DOCK1: variants seen among roughly 807,000 people sequenced by gnomAD.
DOCK1 encodes the protein dedicator of cytokinesis 1.
In DOCK1, 138 loss-of-function variants were observed where a neutral mutation model predicts 262.7. That is an observed-to-expected ratio of 0.53 (90% confidence interval 0.46 to 0.61). The LOEUF is 0.61. Among genes scored for constraint, DOCK1 ranks in the 20% least tolerant of loss-of-function variants. The pLI, the probability that DOCK1 is intolerant of heterozygous loss-of-function variation, is 0.00. For missense variants in DOCK1, 1,908 were observed against 2,370.7 expected (o/e 0.80, Z 4.05); for synonymous variants, 866 against 867.4 (o/e 1.00, Z 0.03).
chr10:127,081,630 T>C (rs565455618), intron 23 of DOCK1, among the ~76,000 whole-genome samples: 8 of 152,258 alleles, frequency 5.3e-5, no homozygotes, highest in African/African-American at 1.4e-4. Context: ...TCCCCAGTAA[T>C]GGTGGCTTCA....
In DOCK1 at chr10:127,040,264, ATAGT is replaced by A. The variant is rs557570789; in HGVS notation, c.2011-2357_2011-2354del. On this transcript the variant is annotated intron_variant, in intron 19 of 51. Coordinates refer to ENST00000623213, the MANE Select transcript of DOCK1 (RefSeq NM_001290223.2). ...AAGTAACAAAGTGGTACAGATCCAC[ATAGT>A]TAGGAGTTGATTAATCCCTTGACAT... Among the ~76,000 whole-genome samples, 6 of 152,358 alleles carry A rather than the reference ATAGT, an allele frequency of 3.9e-5. No individual in the cohort carries two copies. In the South Asian group the frequency reaches 1.0e-3, roughly 26 times the overall value.
At chr10:127,406,053 G>A (rs1219285401) in intron 40 of DOCK1, among the ~76,000 whole-genome samples, 1 of 152,160 alleles carries the variant, frequency 6.6e-6, no homozygotes, top group Non-Finnish European at 1.5e-5. Flanking sequence ...TTTAATTCGA[G>A]TGTGTGTGTG....
At chr10:126,991,275 T>C (rs1035692797) in intron 6 of DOCK1, among the ~76,000 whole-genome samples, 1 of 152,182 alleles carries the variant, frequency 6.6e-6, no homozygotes, top group African/African-American at 2.4e-5. Context: ...AACAAGCTGC[T>C]CTGATCCTAA....
intron 29 of DOCK1, among the ~76,000 whole-genome samples, chr10:127,263,267 A>C (rs2060237041): frequency 1.2e-5 from 1 of 84,600 alleles, no homozygotes. Flanking sequence ...TCTCCCTAGC[A>C]TTGTCATAAA....
intron 3 of DOCK1, among the ~76,000 whole-genome samples, chr10:126,978,313 A>C (rs2038702678): frequency 6.6e-6 from 1 of 152,150 alleles, no homozygotes; most frequent in Non-Finnish European, 1.5e-5. Flanking sequence ...CTTCAGGAAA[A>C]AAATTATTTC....
At chr10:127,030,906 G>T (rs1297057008) in intron 16 of DOCK1, among the ~76,000 whole-genome samples, 1 of 152,182 alleles carries the variant, frequency 6.6e-6, no homozygotes, top group Non-Finnish European at 1.5e-5. Context: ...AATAAATCAG[G>T]TGAGAGGAAA....
intron 27 of DOCK1, among the ~76,000 whole-genome samples, chr10:127,166,190 C>A (rs1245140067): frequency 6.6e-6 from 1 of 152,172 alleles, no homozygotes; most frequent in East Asian, 1.9e-4. Context: ...CTCAGCCCCC[C>A]AAGTAGCTGG....
intron 38 of DOCK1, 119 bp from the exon 39 acceptor site, chr10:127,402,936 A>G: frequency 1.0e-6 from 1 of 968,284 alleles, no homozygotes; most frequent in South Asian, 1.5e-5. Flanking sequence ...TGTTATTCCC[A>G]TAATGTTTCA....
chr10:127,166,628 C>T (rs2054112642), intron 27 of DOCK1, among the ~76,000 whole-genome samples: 2 of 152,184 alleles, frequency 1.3e-5, no homozygotes, highest in Admixed American at 6.5e-5. Flanking sequence ...AATAGGTGAC[C>T]TCTGTAGGTC....
chr10:126,960,054 C>T lies in DOCK1; in HGVS notation c.47-10648C>T, dbSNP rs1017891272. ...AACTCCTGACCTCAGGTGATCCGCCCGCTTGGGGCTTACAGGCACGAGCCA... is the reference window on the plus strand; with the variant it reads ...AACTCCTGACCTCAGGTGATCCGCCTGCTTGGGGCTTACAGGCACGAGCCA... On this transcript the variant is annotated intron_variant, in intron 1 of 51. Transcript: ENST00000623213. Among the ~76,000 whole-genome samples the T allele has an allele frequency of 7.5e-3, 1,147 of 152,242 alleles. 14 individuals carry two copies. Among genetic ancestry groups the T allele is most frequent in the African/African-American group, 0.026 (1,087 of 41,542 alleles).
chr10:127,440,632 T>C (rs1423914031), intron 49 of DOCK1, among the ~76,000 whole-genome samples: 3 of 152,210 alleles, frequency 2.0e-5, no homozygotes, highest in Non-Finnish European at 4.4e-5. Context: ...AGGTACGTTT[T>C]ATCTATACTT....
intron 38 of DOCK1, among the ~76,000 whole-genome samples, chr10:127,401,245 G>A (rs946719389): frequency 2.4e-4 from 36 of 152,186 alleles, no homozygotes; most frequent in Admixed American, 1.9e-3. Flanking sequence ...TAATGACACC[G>A]TCTCCCACGT....
At chr10:127,185,861 C>T (rs1450168942) in intron 27 of DOCK1, among the ~76,000 whole-genome samples, 1 of 152,130 alleles carries the variant, frequency 6.6e-6, no homozygotes, top group Non-Finnish European at 1.5e-5. Flanking sequence ...AGAAATGGTA[C>T]AGGTTCTATA....
intron 27 of DOCK1, among the ~76,000 whole-genome samples, chr10:127,149,827 C>T (rs1490458154): frequency 1.3e-5 from 2 of 152,182 alleles, no homozygotes; most frequent in African/African-American, 2.4e-5. Flanking sequence ...GCTACCCAAT[C>T]CCGGGGTGTT....
intron 30 of DOCK1, among the ~76,000 whole-genome samples, chr10:127,341,859 C>T (rs1019665428): frequency 2.6e-5 from 4 of 152,114 alleles, no homozygotes; most frequent in African/African-American, 9.7e-5. Context: ...TGCCTGCTGT[C>T]GGCTGCATTC....
chr10:127,199,447 C>T lies in DOCK1; in HGVS notation c.2848-48561C>T, dbSNP rs191859108. ...TATCTGTTCCAAACGGGAAATAATC[C>T]AAATACCAGTCAACAGTAGATAAAG... On this transcript the variant is annotated intron_variant, in intron 27 of 51. Coordinates refer to ENST00000623213, the MANE Select transcript of DOCK1 (RefSeq NM_001290223.2). Among the ~76,000 whole-genome samples, 681 of 152,182 alleles carry T rather than the reference C, an allele frequency of 4.5e-3. 6 individuals are homozygous for T. The highest frequency in any genetic ancestry group is 0.016 in the African/African-American group (652 of 41,518).
At chr10:126,989,534 C>T (rs1350459170) in intron 5 of DOCK1, among the ~76,000 whole-genome samples, 2 of 151,998 alleles carry the variant, frequency 1.3e-5, no homozygotes, top group African/African-American at 4.8e-5. Flanking sequence ...CTTATGTTGC[C>T]CAGGCTGATC....
chr10:127,029,176 A>G (rs1015771737), intron 16 of DOCK1, among the ~76,000 whole-genome samples: 1 of 152,240 alleles, frequency 6.6e-6, no homozygotes, highest in Non-Finnish European at 1.5e-5. Context: ...CTCCGTGGCC[A>G]CAGCTTGTGG....
intron 29 of DOCK1, among the ~76,000 whole-genome samples, chr10:127,262,354 C>A (rs2060203870): frequency 1.3e-5 from 2 of 152,114 alleles, no homozygotes; most frequent in Admixed American, 1.3e-4. Flanking sequence ...CTCTCAGAAG[C>A]TCAAACAAAC....
Sources: allele counts gnomAD v4.1 joint callset (sites outside exome capture counted in the v4.1 genomes callset), GRCh38; gene constraint gnomAD v4.1.1; transcripts MANE v1.5; gene names NCBI Gene and HGNC (gene_info 2026-07-23, HGNC 2026-07-21).